Variants in EMP2 observed in about 807,000 individuals in gnomAD.
EMP2 encodes the protein epithelial membrane protein 2.
In EMP2, 19 loss-of-function variants were observed where a neutral mutation model predicts 13.7. The ratio of observed to expected loss-of-function variants is 1.38; its 90% CI spans 0.97 to 2.03. The LOEUF is 2.03. EMP2 is among the 30% of genes most tolerant of loss of function. EMP2 has a pLI of 0.00. For missense variants in EMP2, 253 were observed against 220.7 expected (o/e 1.15, Z -0.93); for synonymous variants, 97 against 84.7 (o/e 1.15, Z -0.80).
chr16:10,551,986 C>T (rs912890809), intron 1 of EMP2, among the ~76,000 whole-genome samples: 1 of 152,160 alleles, frequency 6.6e-6, no homozygotes, highest in Non-Finnish European at 1.5e-5. Flanking sequence ...CTGTGCATCA[C>T]CAATTAGAAG....
intron 1 of EMP2, among the ~76,000 whole-genome samples, chr16:10,561,609 T>C (rs1596379004): frequency 6.6e-6 from 1 of 152,200 alleles, no homozygotes; most frequent in East Asian, 1.9e-4. Context: ...ACCACAGTTT[T>C]AGGGAAGTGA....
intron 1 of EMP2, among the ~76,000 whole-genome samples, chr16:10,557,066 C>T (rs1373512053): frequency 1.3e-5 from 2 of 152,008 alleles, no homozygotes; most frequent in Non-Finnish European, 2.9e-5. Flanking sequence ...AAAAAAGAAT[C>T]GTGCTTTAGG....
chr16:10,557,182 C>G (rs978513302), intron 1 of EMP2, among the ~76,000 whole-genome samples: 1 of 151,980 alleles, frequency 6.6e-6, no homozygotes, highest in Non-Finnish European at 1.5e-5. Context: ...CATGGCAAAA[C>G]GCTGTCTCTA....
At chr16:10,541,010 C>G (rs557876255) in intron 3 of EMP2, among the ~76,000 whole-genome samples, 42 of 152,022 alleles carry the variant, frequency 2.8e-4, no homozygotes, top group African/African-American at 9.9e-4. Flanking sequence ...ATCACTCGAA[C>G]CTGGGGGGCA....
At chr16:10,541,363 C>A (rs1014773337) in intron 3 of EMP2, among the ~76,000 whole-genome samples, 2 of 152,114 alleles carry the variant, frequency 1.3e-5, no homozygotes, top group African/African-American at 2.4e-5. Flanking sequence ...TTTTGTGAAC[C>A]ATATGGTCTC....
chr16:10,543,950 C>G (rs1267433518), intron 2 of EMP2, among the ~76,000 whole-genome samples: 2 of 152,112 alleles, frequency 1.3e-5, no homozygotes, highest in Non-Finnish European at 2.9e-5. Context: ...GCCTCCATCT[C>G]TTGGGCTCGA....
At chr16:10,577,800 C>T (rs1410258249) in intron 1 of EMP2, among the ~76,000 whole-genome samples, 1 of 152,044 alleles carries the variant, frequency 6.6e-6, no homozygotes. Flanking sequence ...CTGGGCCCCA[C>T]CCCACCTTTG....
chr16:10,534,774 A>G (rs1351755097), intron 4 of EMP2, among the ~76,000 whole-genome samples: 1 of 152,240 alleles, frequency 6.6e-6, no homozygotes, highest in Non-Finnish European at 1.5e-5. Context: ...TCAAAAAATA[A>G]AAAAAGAAAT....
At chr16:10,538,187 G>A in intron 3 of EMP2, 113 bp from the exon 4 acceptor site, 2 of 1,304,052 alleles carry the variant, frequency 1.5e-6, no homozygotes, top group East Asian at 2.4e-5. Context: ...AAACAGGAAG[G>A]GGTTCAGGCG....
chr16:10,529,219 AT>A lies in EMP2; in HGVS notation c.*3685del, dbSNP rs1385297249. 6.6e-6 allele frequency: 1 copy of A among 152,242 alleles called. No individual in the cohort carries two copies. Among genetic ancestry groups the A allele is most frequent in the Non-Finnish European group, 1.5e-5 (1 of 68,030 alleles). The allele number at this position is 152,242 out of a possible 1,614,324, so 9.4% of individuals were successfully genotyped here. ...ACTACAGTTCCTTCAAATACAGTTG[AT>A]GCTATCTTTGGTCCTAATATGTGCT... On this transcript the variant is annotated 3_prime_UTR_variant, in exon 5 of 5. Transcript: ENST00000359543.
At chr16:10,540,341 A>C (rs2050684736) in intron 3 of EMP2, among the ~76,000 whole-genome samples, 1 of 152,144 alleles carries the variant, frequency 6.6e-6, no homozygotes, top group Non-Finnish European at 1.5e-5. Context: ...CCCTGTCTCT[A>C]CTAAAAATAC....
chr16:10,573,971 T>A (rs537025072), intron 1 of EMP2, among the ~76,000 whole-genome samples: 26 of 132,350 alleles, frequency 2.0e-4, no homozygotes, highest in Admixed American at 5.8e-4. Context: ...AGAGTCTTGC[T>A]CTGTCACCCA....
chr16:10,537,070 G>C (rs2050652920), intron 4 of EMP2, among the ~76,000 whole-genome samples: 1 of 152,132 alleles, frequency 6.6e-6, no homozygotes, highest in Admixed American at 6.6e-5. Context: ...AGAGTGGTTA[G>C]GGCCAAGCAG....
intron 1 of EMP2, among the ~76,000 whole-genome samples, chr16:10,557,292 G>A (rs2050837155): frequency 6.6e-6 from 1 of 151,164 alleles, no homozygotes; most frequent in Admixed American, 6.6e-5. Flanking sequence ...GGTAGGTGGA[G>A]GTTGCATTGA....
intron 1 of EMP2, among the ~76,000 whole-genome samples, chr16:10,569,906 G>C (rs2050935478): frequency 6.6e-6 from 1 of 152,150 alleles, no homozygotes; most frequent in Non-Finnish European, 1.5e-5. Context: ...GCTCCAGACA[G>C]AGCCAACTGC....
rs2050875226 is a variant in EMP2, at chr16:10,562,093, C to T, written c.-60-14416G>A. Among the ~76,000 whole-genome samples the T allele has an allele frequency of 1.3e-5, 2 of 152,068 alleles. 1 individual carries two copies. Among genetic ancestry groups the T allele is most frequent in the South Asian group, 4.1e-4 (2 of 4,822 alleles). On this transcript the variant is annotated intron_variant, in intron 1 of 4. Transcript: ENST00000359543. ...TGTGAGGCCAGCATTGCCTTGATTC[C>T]AAAACCAGACAAAGACATTACACAA...
chr16:10,533,175 A>T, intron 4 of EMP2, 83 bp from the exon 5 acceptor site: 1 of 1,205,494 alleles, frequency 8.3e-7, no homozygotes, highest in Non-Finnish European at 1.1e-6. Context: ...GCCAGAGTTG[A>T]AGACAAACTT....
intron 1 of EMP2, among the ~76,000 whole-genome samples, chr16:10,550,322 C>T (rs1432125771): frequency 1.3e-5 from 2 of 152,118 alleles, no homozygotes; most frequent in African/African-American, 4.8e-5. Flanking sequence ...CTTTCTTTTT[C>T]CTGCCCCAGG....
At position 10,580,372 on chromosome 16, in the gene EMP2, G is replaced by T. The variant is rs922747644; in HGVS notation, c.-61+177C>A. Among the ~76,000 whole-genome samples, 4 of 152,356 alleles carry T rather than the reference G, an allele frequency of 2.6e-5. No homozygotes were observed. Among genetic ancestry groups the T allele is most frequent in the East Asian group, 1.9e-4 (1 of 5,184 alleles). On this transcript the variant is annotated intron_variant, in intron 1 of 4. Coordinates refer to ENST00000359543, the MANE Select transcript of EMP2 (RefSeq NM_001424.6). The surrounding 1 kb of genome is among the most constrained non-coding windows in gnomAD (Gnocchi z 4.3). ...GGAATTCTGGGGCCGGAGCGAGCGT[G>T]GCGCAGACCAGAGGTCGGCGGCATG...
Sources: allele counts gnomAD v4.1 joint callset (sites outside exome capture counted in the v4.1 genomes callset), GRCh38; gene constraint gnomAD v4.1.1; non-coding constraint Gnocchi (gnomAD v3.1); transcripts MANE v1.5; gene names NCBI Gene and HGNC (gene_info 2026-07-23, HGNC 2026-07-21).